The following HEPACAM variants were observed in gnomAD, a reference collection of about 807,000 sequenced individuals.
HEPACAM encodes hepatic and glial cell adhesion molecule.
HEPACAM carries 18 observed loss-of-function variants against 38.3 expected under a neutral mutation model. The ratio of observed to expected loss-of-function variants is 0.47; its 90% CI spans 0.33 to 0.70. The LOEUF is 0.70. HEPACAM is among the 30% of genes least tolerant of loss of function. HEPACAM has a pLI of 0.03. For missense variants in HEPACAM, 466 were observed against 563.0 expected (o/e 0.83, Z 1.74); for synonymous variants, 216 against 243.1 (o/e 0.89, Z 1.04).
At chr11:124,927,110 T>C (rs953166720) in intron 1 of HEPACAM, among the ~76,000 whole-genome samples, 25 of 152,312 alleles carry the variant, frequency 1.6e-4, no homozygotes, top group South Asian at 1.4e-3. Flanking sequence ...GACCTTGTGA[T>C]CTGCCCGCCT....
Position 124,922,729 on chromosome 11 carries a change from G to T in HEPACAM, c.877+16C>A, listed in dbSNP as rs1225468441. ...GATTGTTGATGGGATGGGTGATTGG[G>T]TGGCTGGGAGCTCACCTTCTGGTTT... is the stretch of plus-strand genomic sequence containing the variant. On this transcript the variant is annotated intron_variant, in intron 5 of 6. Transcript: ENST00000298251. 7 of 1,614,218 alleles carry T rather than the reference G, an allele frequency of 4.3e-6. No homozygotes were observed. Among genetic ancestry groups the T allele is most frequent in the Non-Finnish European group, 5.9e-6 (7 of 1,180,028 alleles).
At position 124,920,678 on chromosome 11, in the gene HEPACAM, C is replaced by CAAAAAAAAAA. The variant is rs71042463; in HGVS notation, c.*450_*459dup. 99 of 575,092 alleles carry CAAAAAAAAAA rather than the reference C, an allele frequency of 1.7e-4. No homozygotes were observed. The highest frequency in any genetic ancestry group is 2.8e-4 in the African/African-American group (6 of 21,524). The allele number at this position is 575,092 out of a possible 1,614,324, so 35.6% of individuals were successfully genotyped here. A position where few individuals can be genotyped will look rare whatever the true frequency, so the allele number is the denominator to read the frequency against. On this transcript the variant is annotated 3_prime_UTR_variant, in exon 7 of 7. Coordinates refer to ENST00000298251, the MANE Select transcript of HEPACAM (RefSeq NM_152722.5). Reference sequence around the variant, plus strand: ...AAGTGGCCTCTCTAATCTGAACTTGCAAAAAAAAAAAAAAAAAAAAAAAAA... The same window carrying CAAAAAAAAAA: ...AAGTGGCCTCTCTAATCTGAACTTGCAAAAAAAAAAAAAAAAAAAAAAAAAAAAAAAAAAA...
At position 124,923,430 on chromosome 11, in the gene HEPACAM, C is replaced by T; in HGVS notation, c.713G>A (p.Arg238Lys). The change falls in exon 4 of 7, where the codon AGA (arginine) becomes AAA (lysine). Residue 238 changes from arginine (R) to lysine (K), a missense_variant. By Grantham distance (26) the Arg-to-Lys change is conservative. Coordinates refer to ENST00000298251, the MANE Select transcript of HEPACAM (RefSeq NM_152722.5). ...SLPVKITVYR[R>K]SSLYIILSTG... ...AGACAAGATGATGTAAAGGGAGCTTCTTCCTAGGGAGAGAGAGAAGCAGAG... is the reference window on the plus strand; with the variant it reads ...AGACAAGATGATGTAAAGGGAGCTTTTTCCTAGGGAGAGAGAGAAGCAGAG... The T allele has an allele frequency of 6.2e-7, 1 of 1,604,664 alleles. No individual in the cohort carries two copies. Among genetic ancestry groups the T allele is most frequent in the African/African-American group, 1.3e-5 (1 of 74,796 alleles).
intron 1 of HEPACAM, 102 bp from the exon 2 acceptor site, chr11:124,925,171 T>C (rs1947191856): frequency 2.2e-6 from 2 of 891,238 alleles, no homozygotes; most frequent in Non-Finnish European, 3.3e-6. Context: ...TTCGCCTCTC[T>C]GGCTCTTCAC....
intron 4 of HEPACAM, 68 bp downstream of exon 4, chr11:124,923,272 A>G: frequency 9.5e-7 from 1 of 1,049,578 alleles, no homozygotes; most frequent in Non-Finnish European, 1.5e-6. Flanking sequence ...AAAGAGACTT[A>G]AGAAAATAAT....
chr11:124,935,088 C>T (rs555502080), intron 1 of HEPACAM, among the ~76,000 whole-genome samples: 26 of 152,248 alleles, frequency 1.7e-4, no homozygotes, highest in Admixed American at 4.6e-4. Flanking sequence ...TGCACACATT[C>T]CTTCTACCAG....
Sources: gnomAD v4.1 joint callset for allele counts (sites outside exome capture counted in the v4.1 genomes callset) on GRCh38, gnomAD v4.1.1 for gene constraint, MANE v1.5 for transcripts, NCBI Gene and HGNC (gene_info 2026-07-23, HGNC 2026-07-21) for gene names.